BNC2: variants seen among roughly 807,000 people sequenced by gnomAD.
The protein encoded by BNC2 is zinc finger protein basonuclin-2.
In BNC2, 20 loss-of-function variants were observed where a neutral mutation model predicts 76.3. The ratio of observed to expected loss-of-function variants is 0.26; its 90% CI spans 0.18 to 0.38. The LOEUF (loss-of-function observed/expected upper bound fraction) is 0.38. Among genes scored for constraint, BNC2 ranks in the 10% least tolerant of loss-of-function variants. The probability of loss-of-function intolerance (pLI) is 1.00; values close to 1 mark genes in which losing one functional copy is unlikely to be tolerated. For synonymous variants in BNC2, 582 were observed against 514.8 expected (o/e 1.13, Z -1.77); for missense variants, 1,382 against 1,399.8 (o/e 0.99, Z 0.20).
intron 5 of BNC2, among the ~76,000 whole-genome samples, chr9:16,528,854 T>A (rs552901267): frequency 7.9e-5 from 12 of 152,316 alleles, no homozygotes; most frequent in African/African-American, 2.9e-4. Flanking sequence ...AGGCCTGTAT[T>A]AGTTTCCTAG....
intron 5 of BNC2, among the ~76,000 whole-genome samples, chr9:16,524,461 C>T (rs1817728821): frequency 6.6e-6 from 1 of 151,904 alleles, no homozygotes; most frequent in African/African-American, 2.4e-5. Context: ...GGAAAGGGCC[C>T]AAATCTCCTT....
At chr9:16,672,982 T>C (rs1822524793) in intron 3 of BNC2, among the ~76,000 whole-genome samples, 1 of 152,126 alleles carries the variant, frequency 6.6e-6, no homozygotes, top group African/African-American at 2.4e-5. Context: ...CTGAATCAAA[T>C]AGTAAATAAT....
In BNC2 at chr9:16,418,663, ACT is replaced by A. The variant is rs1491210032; in HGVS notation, c.*324_*325del. The A allele has an allele frequency of 4.2e-5, 8 of 188,286 alleles. No individual in the cohort carries two copies. Among genetic ancestry groups the A allele is most frequent in the African/African-American group, 2.8e-4 (7 of 24,760 alleles). The allele number at this position is 188,286 out of a possible 1,614,324, so 11.7% of individuals were successfully genotyped here. ...CTGTCAAAACTGGGGCTAGTTGCAC[ACT>A]GTGTGTGTGTGTGTGTGTGTGTGTG... On this transcript the variant is annotated 3_prime_UTR_variant, in exon 7 of 7. Coordinates refer to ENST00000380672, the MANE Select transcript of BNC2 (RefSeq NM_017637.6).
chr9:16,516,370 TA>T (rs916312972), intron 5 of BNC2, among the ~76,000 whole-genome samples: 110 of 142,468 alleles, frequency 7.7e-4, no homozygotes, highest in Admixed American at 7.0e-4. Context: ...TGCGGAAACT[TA>T]AAAAAAAAAA....
chr9:16,843,701 G>C (rs545777385), intron 1 of BNC2, among the ~76,000 whole-genome samples: 3 of 152,188 alleles, frequency 2.0e-5, no homozygotes, highest in East Asian at 3.9e-4. Flanking sequence ...TTTAGTAAAT[G>C]TTTCTGAGCT....
intron 3 of BNC2, among the ~76,000 whole-genome samples, chr9:16,624,591 C>T (rs962771621): frequency 1.3e-5 from 2 of 152,174 alleles, no homozygotes; most frequent in Non-Finnish European, 2.9e-5. Context: ...TGACACTCTT[C>T]CTCAATGACT....
intron 3 of BNC2, among the ~76,000 whole-genome samples, chr9:16,628,045 C>T (rs913216032): frequency 1.3e-5 from 2 of 152,142 alleles, no homozygotes; most frequent in Admixed American, 1.3e-4. Context: ...TGTCCCTTCA[C>T]CCCCTGCTTG....
chr9:16,622,230 C>T (rs1225187030), intron 3 of BNC2, among the ~76,000 whole-genome samples: 9 of 152,074 alleles, frequency 5.9e-5, no homozygotes, highest in Admixed American at 1.3e-4. Flanking sequence ...TTTTCATCTG[C>T]GCCCACTCTA....
chr9:16,779,512 T>C (rs1826064900), intron 1 of BNC2, among the ~76,000 whole-genome samples: 1 of 152,132 alleles, frequency 6.6e-6, no homozygotes, highest in African/African-American at 2.4e-5. Flanking sequence ...CAATTTAGGA[T>C]ATCACAACTT....
intron 5 of BNC2, among the ~76,000 whole-genome samples, chr9:16,506,564 G>A (rs139712648): frequency 7.3e-5 from 8 of 109,266 alleles, no homozygotes; most frequent in Admixed American, 6.8e-4. Context: ...TCACCTTGTC[G>A]CCCAGGCTTG....
At chr9:16,493,874 C>T (rs951207822) in intron 5 of BNC2, among the ~76,000 whole-genome samples, 1 of 152,028 alleles carries the variant, frequency 6.6e-6, no homozygotes, top group Non-Finnish European at 1.5e-5. Context: ...GAAAGCATGG[C>T]GTGTTTAGAG....
chr9:16,814,994 T>A (rs1248101547), intron 1 of BNC2, among the ~76,000 whole-genome samples: 1 of 152,102 alleles, frequency 6.6e-6, no homozygotes, highest in Non-Finnish European at 1.5e-5. Flanking sequence ...GTATAAATAT[T>A]CAGTGTAAGG....
chr9:16,522,117 G>A (rs1382591731), intron 5 of BNC2, among the ~76,000 whole-genome samples: 2 of 152,162 alleles, frequency 1.3e-5, no homozygotes, highest in African/African-American at 2.4e-5. Context: ...CCATTGTGCA[G>A]GCCCCACTAC....
intron 3 of BNC2, among the ~76,000 whole-genome samples, chr9:16,601,659 G>C (rs1398150696): frequency 6.6e-6 from 1 of 151,622 alleles, no homozygotes; most frequent in Non-Finnish European, 1.5e-5. Context: ...AGGGAGGGCA[G>C]GGTCTGGGTA....
At chr9:16,472,638 C>G (rs1821850005) in intron 5 of BNC2, among the ~76,000 whole-genome samples, 1 of 152,304 alleles carries the variant, frequency 6.6e-6, no homozygotes, top group South Asian at 2.1e-4. Flanking sequence ...GAATGGTCCA[C>G]TTCTTATAAT....
At chr9:16,431,852 A>G (rs958470229) in intron 6 of BNC2, among the ~76,000 whole-genome samples, 1 of 152,128 alleles carries the variant, frequency 6.6e-6, no homozygotes, top group Non-Finnish European at 1.5e-5. Context: ...ACATTTCACA[A>G]TAGGGTTTGC....
intron 3 of BNC2, among the ~76,000 whole-genome samples, chr9:16,693,830 C>T (rs975419883): frequency 6.6e-6 from 1 of 152,186 alleles, no homozygotes; most frequent in African/African-American, 2.4e-5. Flanking sequence ...CTGCTGCAAA[C>T]ATTAGAAAGA....
chr9:16,419,625 A>G lies in BNC2; in HGVS notation c.2664T>C (p.His888=), dbSNP rs1265255483. Residue 888 remains histidine (H), a synonymous_variant, in exon 7 of 7, where the codon CAT becomes CAC. Coordinates refer to ENST00000380672, the MANE Select transcript of BNC2 (RefSeq NM_017637.6). ...CGAGTTCTTTGGTCAACAGTTTACG[A>G]TGTAGGTTTATGTTGGCACTGTGTC... is the stretch of plus-strand genomic sequence containing the variant. The part of the protein sequence containing the change: ...RDRHSANINL[H]RKLLTKELDD... 1 of 1,413,518 alleles carries G rather than the reference A, an allele frequency of 7.1e-7. No homozygotes were observed. The highest frequency in any genetic ancestry group is 1.1e-5 in the South Asian group (1 of 88,470). The allele number at this position is 1,413,518 out of a possible 1,614,324, so 87.6% of individuals were successfully genotyped here.
At chr9:16,843,800 T>A (rs1421528750) in intron 1 of BNC2, among the ~76,000 whole-genome samples, 1 of 152,180 alleles carries the variant, frequency 6.6e-6, no homozygotes, top group Non-Finnish European at 1.5e-5. Context: ...TTACTCCCAA[T>A]TGAATAGTAT....
Sources: gnomAD v4.1 joint callset for allele counts (sites outside exome capture counted in the v4.1 genomes callset) on GRCh38, gnomAD v4.1.1 for gene constraint, MANE v1.5 for transcripts, NCBI Gene and HGNC (gene_info 2026-07-23, HGNC 2026-07-21) for gene names.